Variants in DTNA observed in about 807,000 individuals in gnomAD.
DTNA encodes dystrophin-related protein 3.
In DTNA, 43 loss-of-function variants were observed where a neutral mutation model predicts 100.7. The observed-to-expected ratio is 0.43, with a 90% CI of 0.33 to 0.55. The LOEUF (loss-of-function observed/expected upper bound fraction) is 0.55, where lower values mean the gene tolerates loss of function less well. Among genes scored for constraint, DTNA ranks in the 20% least tolerant of loss-of-function variants. DTNA has a pLI of 0.04. For synonymous variants in DTNA, 349 were observed against 347.9 expected (o/e 1.00, Z -0.04); for missense variants, 798 against 953.9 (o/e 0.84, Z 2.15).
At chr18:34,818,049 T>C (rs2095634228) in intron 7 of DTNA, 115 bp from the exon 8 acceptor site, 1 of 1,592,088 alleles carries the variant, frequency 6.3e-7, no homozygotes, top group African/African-American at 1.3e-5. Flanking sequence ...AAATCAACTA[T>C]CATCTGAAAT....
At chr18:34,715,746 T>C (rs1306894266) in intron 1 of DTNA, among the ~76,000 whole-genome samples, 1 of 152,072 alleles carries the variant, frequency 6.6e-6, no homozygotes, top group Admixed American at 6.5e-5. Flanking sequence ...TTCTAGAATA[T>C]GTTATATACA....
chr18:34,882,238 T>G lies in DTNA; in HGVS notation c.2295+37T>G, dbSNP rs1442165621. The G allele has an allele frequency of 1.9e-6, 3 of 1,611,282 alleles. No individual in the cohort carries two copies. The African/African-American group carries it at 4.0e-5, about 22-fold the overall frequency. ...CAGGCCCACCCCACCCCACCTCTTC[T>G]GCCTCAACCCCTTGGTAGCTGGGTC... On this transcript the variant is annotated intron_variant, in intron 21 of 22. Transcript: ENST00000444659.
chr18:34,664,276 C>G (rs1367359274), intron 1 of DTNA, among the ~76,000 whole-genome samples: 2 of 151,952 alleles, frequency 1.3e-5, no homozygotes, highest in Admixed American at 6.6e-5. Flanking sequence ...TAAAACCATG[C>G]TTATCACCAA....
At chr18:34,668,980 T>G (rs1489836224) in intron 1 of DTNA, among the ~76,000 whole-genome samples, 1 of 152,190 alleles carries the variant, frequency 6.6e-6, no homozygotes, top group South Asian at 2.1e-4. Flanking sequence ...CTGGATATCC[T>G]TGTTAACTTT....
chr18:34,626,680 C>T (rs1469390694), intron 1 of DTNA, among the ~76,000 whole-genome samples: 3 of 152,098 alleles, frequency 2.0e-5, no homozygotes, highest in African/African-American at 7.2e-5. Context: ...ACCCAAAACA[C>T]AGTAATAGAT....
At chr18:34,696,104 A>G (rs2080496077) in intron 1 of DTNA, among the ~76,000 whole-genome samples, 1 of 152,202 alleles carries the variant, frequency 6.6e-6, no homozygotes, top group South Asian at 2.1e-4. Flanking sequence ...AAGCATACCC[A>G]GTGCTGTTCC....
chr18:34,827,883 GA>G (rs1296017277), intron 10 of DTNA, among the ~76,000 whole-genome samples: 4 of 152,082 alleles, frequency 2.6e-5, no homozygotes, highest in Non-Finnish European at 5.9e-5. Flanking sequence ...GTCATGTCTG[GA>G]AACCTGCATT....
intron 1 of DTNA, among the ~76,000 whole-genome samples, chr18:34,528,487 T>C (rs927091151): frequency 6.6e-6 from 1 of 152,006 alleles, no homozygotes; most frequent in Non-Finnish European, 1.5e-5. Flanking sequence ...CATATATATA[T>C]ACACACACAT....
At chr18:34,860,446 G>A (rs753957407) in intron 16 of DTNA, among the ~76,000 whole-genome samples, 8 of 152,034 alleles carry the variant, frequency 5.3e-5, no homozygotes, top group Admixed American at 1.3e-4. Flanking sequence ...TTTATAGTAA[G>A]TACAGATGCC....
At chr18:34,564,103 C>A (rs184023571) in intron 1 of DTNA, among the ~76,000 whole-genome samples, 1 of 151,904 alleles carries the variant, frequency 6.6e-6, no homozygotes, top group African/African-American at 2.4e-5. Flanking sequence ...AGGCTTTTAT[C>A]GTATAATTGC....
chr18:34,690,717 G>A (rs1190862378), intron 1 of DTNA, among the ~76,000 whole-genome samples: 1 of 152,202 alleles, frequency 6.6e-6, no homozygotes, highest in Non-Finnish European at 1.5e-5. Context: ...TTTAAATGCA[G>A]AAATCATCTT....
intron 17 of DTNA, chr18:34,866,368 A>G: frequency 2.1e-6 from 3 of 1,400,852 alleles, no homozygotes; most frequent in Admixed American, 2.9e-5. Flanking sequence ...TCTTTTAGAA[A>G]AGGGAACGAA....
chr18:34,635,915 A>T (rs2058615364), intron 1 of DTNA, among the ~76,000 whole-genome samples: 1 of 152,134 alleles, frequency 6.6e-6, no homozygotes, highest in Admixed American at 6.5e-5. Context: ...TCAATTAAAA[A>T]AAAAAACCTG....
intron 6 of DTNA, among the ~76,000 whole-genome samples, chr18:34,812,579 G>T (rs1216450498): frequency 6.6e-6 from 1 of 152,084 alleles, no homozygotes; most frequent in Admixed American, 6.5e-5. Flanking sequence ...AGGGGAATCT[G>T]CCATTTATAA....
intron 15 of DTNA, among the ~76,000 whole-genome samples, chr18:34,852,864 C>G (rs1012947560): frequency 7.9e-5 from 12 of 152,196 alleles, no homozygotes; most frequent in Admixed American, 7.2e-4. Context: ...AGAAACTAGT[C>G]TCAATTACAT....
chr18:34,763,931 A>G (rs1051568497), intron 2 of DTNA, among the ~76,000 whole-genome samples: 1 of 152,218 alleles, frequency 6.6e-6, no homozygotes, highest in Non-Finnish European at 1.5e-5. Flanking sequence ...TTTAAAGTCC[A>G]TGATGACAAG....
intron 3 of DTNA, among the ~76,000 whole-genome samples, chr18:34,783,598 C>T (rs1376156417): frequency 6.6e-6 from 1 of 152,198 alleles, no homozygotes; most frequent in Non-Finnish European, 1.5e-5. Flanking sequence ...AGCTACTCAG[C>T]TGTTGTTTGG....
intron 1 of DTNA, 43 bp from the exon 2 acceptor site, chr18:34,755,933 A>G: frequency 6.4e-7 from 1 of 1,560,950 alleles, no homozygotes; most frequent in African/African-American, 1.4e-5. Context: ...TCTTGCCTCA[A>G]TAGCGTGAGG....
chr18:34,574,662 T>A (rs1361148056), intron 1 of DTNA: 1 of 152,228 alleles, frequency 6.6e-6, no homozygotes, highest in Non-Finnish European at 1.5e-5. Flanking sequence ...TTTAACAGTC[T>A]CTGTCTTCCA....
Sources: gnomAD v4.1 joint callset for allele counts (sites outside exome capture counted in the v4.1 genomes callset) on GRCh38, gnomAD v4.1.1 for gene constraint, MANE v1.5 for transcripts, NCBI Gene and HGNC (gene_info 2026-07-23, HGNC 2026-07-21) for gene names.